The following RARB variants were observed in gnomAD, a reference collection of about 807,000 sequenced individuals.
RARB encodes the protein HBV-activated protein.
RARB carries 17 observed loss-of-function variants against 51.9 expected under a neutral mutation model. The observed-to-expected ratio is 0.33, with a 90% CI of 0.22 to 0.49. The LOEUF is 0.49. Among genes scored for constraint, RARB ranks in the 20% least tolerant of loss-of-function variants. RARB has a pLI of 0.99. For synonymous variants in RARB, 215 were observed against 195.4 expected, an observed-to-expected ratio of 1.10 and a Z score of -0.84; for missense variants, 369 against 550.8, an observed-to-expected ratio of 0.67 and a Z score of 3.30.
At chr3:25,458,934 A>T (rs1695038151) in intron 1 of RARB, among the ~76,000 whole-genome samples, 1 of 152,178 alleles carries the variant, frequency 6.6e-6, no homozygotes, top group Non-Finnish European at 1.5e-5. Flanking sequence ...GAAAAGGAAA[A>T]AGTTCATGTG....
intron 3 of RARB, among the ~76,000 whole-genome samples, chr3:25,099,313 T>C (rs528395626): frequency 2.0e-5 from 3 of 152,172 alleles, no homozygotes; most frequent in East Asian, 3.9e-4. Flanking sequence ...CACAGACTTA[T>C]TGAGGACATT....
chr3:25,368,921 G>A (rs1420197708), intron 5 of RARB, among the ~76,000 whole-genome samples: 3 of 152,206 alleles, frequency 2.0e-5, no homozygotes, highest in Non-Finnish European at 2.9e-5. Context: ...AAGTAAGGAA[G>A]CTGAGCCACA....
At chr3:25,516,554 A>G (rs1421825694) in intron 3 of RARB, among the ~76,000 whole-genome samples, 1 of 152,042 alleles carries the variant, frequency 6.6e-6, no homozygotes, top group Non-Finnish European at 1.5e-5. Context: ...ACAATAGGCA[A>G]CCTAGTTAAA....
intron 2 of RARB, among the ~76,000 whole-genome samples, chr3:25,053,660 T>C (rs561779709): frequency 6.6e-6 from 1 of 152,220 alleles, no homozygotes; most frequent in Non-Finnish European, 1.5e-5. Context: ...CCAATAAATA[T>C]AGCCCATGTG....
At chr3:25,492,130 C>A (rs1206885529) in intron 2 of RARB, among the ~76,000 whole-genome samples, 1 of 152,042 alleles carries the variant, frequency 6.6e-6, no homozygotes, top group East Asian at 1.9e-4. Context: ...AAACTTGCTC[C>A]CTGAAAATTT....
At chr3:25,165,253 T>A (rs1318130429) in intron 4 of RARB, among the ~76,000 whole-genome samples, 1 of 152,192 alleles carries the variant, frequency 6.6e-6, no homozygotes. Context: ...AGTACATTGC[T>A]TCTCTGCTCT....
At chr3:25,188,084 A>C (rs1236587916) in intron 5 of RARB, among the ~76,000 whole-genome samples, 5 of 152,146 alleles carry the variant, frequency 3.3e-5, no homozygotes, top group Non-Finnish European at 7.4e-5. Flanking sequence ...ATTAAGTATC[A>C]AGACAATATT....
chr3:25,442,375 C>A (rs527660507), intron 1 of RARB, among the ~76,000 whole-genome samples: 4 of 152,214 alleles, frequency 2.6e-5, no homozygotes, highest in Non-Finnish European at 5.9e-5. Flanking sequence ...ACCTCATGAT[C>A]CACCCGCCTC....
In RARB at chr3:25,027,885, G is replaced by A. The variant is rs1418469212; in HGVS notation, c.-379-32240G>A. Among the ~76,000 whole-genome samples, 3 of 152,104 alleles carry A rather than the reference G, an allele frequency of 2.0e-5. No individual in the cohort carries two copies. The East Asian group carries it at 5.8e-4, about 29-fold the overall frequency. ...TCATGGCAGGGTGCCTGGTTGCTGT[G>A]CTCTTGAACAGGTCATTTAAAAAGA... On this transcript the variant is annotated intron_variant, in intron 2 of 11. Transcript: ENST00000383772.
At chr3:24,975,643 T>A (rs1696494637) in intron 2 of RARB, among the ~76,000 whole-genome samples, 1 of 152,224 alleles carries the variant, frequency 6.6e-6, no homozygotes, top group Admixed American at 6.5e-5. Context: ...CTGACTCCAA[T>A]GCAATAATTT....
chr3:25,444,863 CAGG>C (rs1164071674), intron 1 of RARB, among the ~76,000 whole-genome samples: 5 of 152,184 alleles, frequency 3.3e-5, no homozygotes, highest in Non-Finnish European at 7.3e-5. Context: ...CATTGCATTA[CAGG>C]AGGTGAGGTG....
At position 25,246,746 on chromosome 3, in the gene RARB, G is replaced by A. The variant is rs562227942; in HGVS notation, c.178+72171G>A. Among the ~76,000 whole-genome samples the A allele has an allele frequency of 2.8e-4, 42 of 152,248 alleles. 1 individual carries two copies. In the South Asian group the frequency reaches 8.5e-3, roughly 31 times the overall value. On this transcript the variant is annotated intron_variant, in intron 5 of 11. Transcript: ENST00000383772. ...TGCCCACTAGAGCTCTCTTCTAAGAGGTGTCTGTTGAACCCTGCTGGGAAG... is the reference window on the plus strand; with the variant it reads ...TGCCCACTAGAGCTCTCTTCTAAGAAGTGTCTGTTGAACCCTGCTGGGAAG...
At chr3:25,410,339 C>G (rs976297998) in intron 5 of RARB, among the ~76,000 whole-genome samples, 1 of 152,210 alleles carries the variant, frequency 6.6e-6, no homozygotes, top group African/African-American at 2.4e-5. Flanking sequence ...CTCTTACTTT[C>G]TTTTAAGCTG....
At chr3:25,130,332 C>T (rs750770377) in intron 3 of RARB, among the ~76,000 whole-genome samples, 5 of 152,012 alleles carry the variant, frequency 3.3e-5, no homozygotes, top group East Asian at 1.9e-4. Context: ...AAACATACAG[C>T]GTTCCCTGAA....
chr3:25,133,447 T>C (rs917800101), intron 4 of RARB, among the ~76,000 whole-genome samples: 3 of 151,980 alleles, frequency 2.0e-5, no homozygotes, highest in African/African-American at 7.2e-5. Flanking sequence ...ATCAGCACCC[T>C]GGAGGATAGT....
intron 3 of RARB, among the ~76,000 whole-genome samples, chr3:25,130,748 C>G (rs914044422): frequency 2.0e-5 from 3 of 151,972 alleles, no homozygotes; most frequent in African/African-American, 7.2e-5. Context: ...AAAACACTGT[C>G]TCACTCATCT....
chr3:24,894,325 T>G (rs999145188), intron 2 of RARB, among the ~76,000 whole-genome samples: 3 of 149,940 alleles, frequency 2.0e-5, no homozygotes, highest in African/African-American at 7.4e-5. Context: ...TGTCTGTGTA[T>G]TCACTGTTTA....
chr3:25,171,915 A>G (rs980879110), intron 4 of RARB, among the ~76,000 whole-genome samples: 4 of 151,116 alleles, frequency 2.6e-5, no homozygotes, highest in African/African-American at 9.7e-5. Context: ...GCTTTTTTGA[A>G]GAAAAAGCAC....
intron 2 of RARB, among the ~76,000 whole-genome samples, chr3:25,033,031 T>G (rs1697908177): frequency 6.6e-6 from 1 of 152,218 alleles, no homozygotes; most frequent in Admixed American, 6.5e-5. Context: ...TTCTACTCAA[T>G]TTCTAAAATA....
Sources: allele counts gnomAD v4.1 joint callset (sites outside exome capture counted in the v4.1 genomes callset), GRCh38; gene constraint gnomAD v4.1.1; transcripts MANE v1.5; gene names NCBI Gene and HGNC (gene_info 2026-07-23, HGNC 2026-07-21).